The following RIT2 variants were observed in gnomAD, a reference collection of about 807,000 sequenced individuals.
RIT2 encodes Ras like without CAAX 2.
A neutral mutation model predicts 23.7 loss-of-function variants in RIT2; 24 were observed. The observed-to-expected ratio is 1.01, with a 90% CI of 0.73 to 1.43. The LOEUF (loss-of-function observed/expected upper bound fraction) is 1.43, where lower values mean the gene tolerates loss of function less well. RIT2 is among the 40% of genes most tolerant of loss of function. RIT2 has a pLI of 0.00. For synonymous variants in RIT2, 107 were observed against 91.1 expected (o/e 1.17, Z -0.99); for missense variants, 236 against 266.9 (o/e 0.88, Z 0.81).
At chr18:42,851,418 A>G (rs1013132821) in intron 4 of RIT2, among the ~76,000 whole-genome samples, 2 of 152,246 alleles carry the variant, frequency 1.3e-5, no homozygotes, top group African/African-American at 4.8e-5. Context: ...AAAAGCAACA[A>G]ACACAGAAAA....
intron 1 of RIT2, among the ~76,000 whole-genome samples, chr18:43,059,771 C>T (rs1912599282): frequency 1.7e-5 from 2 of 117,274 alleles, no homozygotes; most frequent in Non-Finnish European, 4.1e-5. Flanking sequence ...GAGAATCATT[C>T]TTACACTTTT....
chr18:42,828,866 C>T (rs1483491693), intron 4 of RIT2, among the ~76,000 whole-genome samples: 2 of 152,172 alleles, frequency 1.3e-5, no homozygotes, highest in African/African-American at 4.8e-5. Flanking sequence ...ATCCCTTCTC[C>T]TTAGGCTCTG....
At chr18:42,935,618 C>T (rs975700472) in intron 3 of RIT2, among the ~76,000 whole-genome samples, 2 of 152,090 alleles carry the variant, frequency 1.3e-5, no homozygotes, top group Admixed American at 1.3e-4. Context: ...TGTACAGTGT[C>T]TGCTATAAGA....
chr18:43,046,469 A>G (rs528168066), intron 1 of RIT2, among the ~76,000 whole-genome samples: 22 of 152,270 alleles, frequency 1.4e-4, no homozygotes, highest in African/African-American at 5.1e-4. Context: ...CTTCGGCTCC[A>G]CACAGTACCC....
chr18:43,105,100 C>CTGTGTGTGTGTGTGTGTGTGTG (rs756311809), intron 1 of RIT2, among the ~76,000 whole-genome samples: 2 of 142,980 alleles, frequency 1.4e-5, no homozygotes, highest in African/African-American at 5.2e-5. Context: ...AGGCAGTGTG[C>CTGTGTGTGTGTGTGTGTGTGTG]TGTGTGTGTG....
chr18:43,055,450 T>C (rs11663460), intron 1 of RIT2, among the ~76,000 whole-genome samples: 91,286 of 151,882 alleles, frequency 0.6, 28,914 homozygotes, highest in Non-Finnish European at 0.73. Context: ...GTTAAGACAA[T>C]CTCTCAACTT....
At chr18:42,958,477 TA>T (rs1330682626) in intron 3 of RIT2, among the ~76,000 whole-genome samples, 13 of 152,136 alleles carry the variant, frequency 8.5e-5, no homozygotes, top group Non-Finnish European at 1.8e-4. Context: ...GCTAATATGA[TA>T]ATACACTTCA....
chr18:43,006,071 G>A (rs1911221082), intron 2 of RIT2, among the ~76,000 whole-genome samples: 2 of 151,662 alleles, frequency 1.3e-5, no homozygotes, highest in Non-Finnish European at 3.0e-5. Flanking sequence ...AGAATAACAG[G>A]CTTAAGAGAG....
At chr18:42,938,129 C>T (rs1484258107) in intron 3 of RIT2, among the ~76,000 whole-genome samples, 1 of 152,134 alleles carries the variant, frequency 6.6e-6, no homozygotes, top group Non-Finnish European at 1.5e-5. Context: ...AGAGTAAGTA[C>T]ATTTCACTTG....
chr18:42,814,183 T>C (rs1005896253), intron 4 of RIT2, among the ~76,000 whole-genome samples: 1 of 152,166 alleles, frequency 6.6e-6, no homozygotes, highest in African/African-American at 2.4e-5. Context: ...CCAGCTGAAC[T>C]TCATAATACT....
chr18:42,885,175 C>T (rs2027747), intron 4 of RIT2, among the ~76,000 whole-genome samples: 3,160 of 152,274 alleles, frequency 0.021, 113 homozygotes, highest in African/African-American at 0.069. Context: ...AGAAAATAGA[C>T]AACTAAAGAG....
intron 4 of RIT2, among the ~76,000 whole-genome samples, chr18:42,882,020 G>A (rs1193682736): frequency 6.6e-6 from 1 of 152,124 alleles, no homozygotes; most frequent in African/African-American, 2.4e-5. Context: ...CAGAATATAA[G>A]CATTTCATGC....
At chr18:42,841,777 G>A (rs1906774075) in intron 4 of RIT2, among the ~76,000 whole-genome samples, 1 of 152,068 alleles carries the variant, frequency 6.6e-6, no homozygotes, top group Non-Finnish European at 1.5e-5. Flanking sequence ...TTCCATGATT[G>A]TACAAGGGAA....
chr18:42,812,225 C>T (rs899882389), intron 4 of RIT2, among the ~76,000 whole-genome samples: 7 of 152,056 alleles, frequency 4.6e-5, no homozygotes, highest in South Asian at 2.1e-4. Context: ...ACATGTGAGT[C>T]GCATTTTAAA....
chr18:43,054,064 G>T (rs954486843), intron 1 of RIT2, among the ~76,000 whole-genome samples: 1 of 152,040 alleles, frequency 6.6e-6, no homozygotes, highest in African/African-American at 2.4e-5. Context: ...TTGACCACTT[G>T]CAATTCCCCA....
chr18:43,088,565 T>G (rs373113882), intron 1 of RIT2, among the ~76,000 whole-genome samples: 29 of 152,280 alleles, frequency 1.9e-4, no homozygotes, highest in South Asian at 1.0e-3. Flanking sequence ...TAGCACAATA[T>G]TCTATCTTAA....
intron 2 of RIT2, among the ~76,000 whole-genome samples, chr18:43,003,566 T>A (rs1911156778): frequency 6.6e-6 from 1 of 151,886 alleles, no homozygotes; most frequent in South Asian, 2.1e-4. Context: ...ATCACATCTA[T>A]TTCTTGACTT....
chr18:43,026,632 G>GC (rs1568059939), intron 2 of RIT2, among the ~76,000 whole-genome samples: 1 of 126,850 alleles, frequency 7.9e-6, no homozygotes, highest in Non-Finnish European at 1.7e-5. Context: ...AAGAAAGAAA[G>GC]AAAGAGAGAA....
At chr18:42,924,362 G>T (rs1023028089) in intron 3 of RIT2, among the ~76,000 whole-genome samples, 1 of 151,910 alleles carries the variant, frequency 6.6e-6, no homozygotes, top group Non-Finnish European at 1.5e-5. Context: ...GTATTAATTT[G>T]TCTCATGAAG....
Sources: gnomAD v4.1 joint callset for allele counts (sites outside exome capture counted in the v4.1 genomes callset) on GRCh38, gnomAD v4.1.1 for gene constraint, MANE v1.5 for transcripts, NCBI Gene and HGNC (gene_info 2026-07-23, HGNC 2026-07-21) for gene names.